SPATA16: variants seen among roughly 807,000 people sequenced by gnomAD.
SPATA16 encodes the protein spermatogenesis associated 16, also known as spermatogenesis-associated protein 16.
In SPATA16, 36 loss-of-function variants were observed where a neutral mutation model predicts 63.3. The observed-to-expected ratio is 0.57, with a 90% CI of 0.44 to 0.75. The LOEUF (loss-of-function observed/expected upper bound fraction) is 0.75. Among genes scored for constraint, SPATA16 ranks in the 30% least tolerant of loss-of-function variants. The pLI is 0.00. For missense variants in SPATA16, 646 were observed against 679.3 expected, an observed-to-expected ratio of 0.95 and a Z score of 0.54; for synonymous variants, 203 against 216.7, an observed-to-expected ratio of 0.94 and a Z score of 0.56.
intron 10 of SPATA16, among the ~76,000 whole-genome samples, chr3:172,909,022 C>T (rs1732302779): frequency 6.6e-6 from 1 of 152,128 alleles, no homozygotes; most frequent in Non-Finnish European, 1.5e-5. Flanking sequence ...TCACATCTTC[C>T]TCAAGACCTC....
chr3:173,131,186 A>C (rs1738375321), intron 1 of SPATA16, among the ~76,000 whole-genome samples: 1 of 152,232 alleles, frequency 6.6e-6, no homozygotes, highest in African/African-American at 2.4e-5. Flanking sequence ...AAAACTTTAA[A>C]ACAAAGACAT....
intron 2 of SPATA16, among the ~76,000 whole-genome samples, chr3:173,081,275 G>A (rs908799963): frequency 6.6e-6 from 1 of 152,182 alleles, no homozygotes; most frequent in African/African-American, 2.4e-5. Flanking sequence ...TTAACCGCTT[G>A]TTCCTCATAG....
intron 2 of SPATA16, among the ~76,000 whole-genome samples, chr3:173,097,733 T>A (rs1053640486): frequency 4.6e-5 from 7 of 152,198 alleles, no homozygotes; most frequent in Admixed American, 4.6e-4. Flanking sequence ...TGAAAAATTA[T>A]AAAGATTACT....
At chr3:173,140,853 C>G (rs543355966) in intron 1 of SPATA16, among the ~76,000 whole-genome samples, 1 of 152,236 alleles carries the variant, frequency 6.6e-6, no homozygotes, top group East Asian at 1.9e-4. Context: ...GATAGGGTGA[C>G]CCGGTGCAGC....
chr3:173,103,303 ACT>A (rs1281844335), intron 2 of SPATA16, among the ~76,000 whole-genome samples: 1 of 151,928 alleles, frequency 6.6e-6, no homozygotes, highest in Non-Finnish European at 1.5e-5. Flanking sequence ...CCCAGTAGGA[ACT>A]CTGTGTGGGG....
intron 6 of SPATA16, among the ~76,000 whole-genome samples, chr3:172,943,632 C>T (rs533399239): frequency 2.6e-5 from 4 of 152,102 alleles, no homozygotes; most frequent in East Asian, 1.9e-4. Flanking sequence ...CCCAGCTACT[C>T]GAGAGGCTGA....
intron 2 of SPATA16, among the ~76,000 whole-genome samples, chr3:173,057,047 G>C (rs1176023310): frequency 6.6e-6 from 1 of 150,538 alleles, no homozygotes; most frequent in Admixed American, 6.6e-5. Flanking sequence ...ACTTAGAAAA[G>C]TTTTCTTCGG....
chr3:173,073,760 T>C (rs964641639), intron 2 of SPATA16, among the ~76,000 whole-genome samples: 1 of 152,178 alleles, frequency 6.6e-6, no homozygotes, highest in Admixed American at 6.5e-5. Flanking sequence ...GGGCACCACC[T>C]AGTGAAGCTG....
intron 1 of SPATA16, among the ~76,000 whole-genome samples, chr3:173,127,414 C>CCTATTTTGT (rs1199675546): frequency 2.0e-5 from 3 of 152,134 alleles, no homozygotes; most frequent in Non-Finnish European, 4.4e-5. Context: ...CCCTATTTTG[C>CCTATTTTGT]CTATTTTGTC....
intron 1 of SPATA16, among the ~76,000 whole-genome samples, chr3:173,124,142 T>G (rs1738163382): frequency 6.6e-6 from 1 of 152,208 alleles, no homozygotes; most frequent in Non-Finnish European, 1.5e-5. Flanking sequence ...CACTGACATT[T>G]GTCATGTTGG....
At chr3:172,933,557 G>C (rs561600444) in intron 6 of SPATA16, among the ~76,000 whole-genome samples, 1 of 152,216 alleles carries the variant, frequency 6.6e-6, no homozygotes, top group Non-Finnish European at 1.5e-5. Flanking sequence ...TAGCACTTGA[G>C]GGCATGGCAG....
rs765288474 is a variant in SPATA16, at chr3:172,889,525, C to A, written c.*45G>T. On this transcript the variant is annotated 3_prime_UTR_variant, in exon 11 of 11. Transcript: ENST00000351008. ...TGGGCATTGGAGTGGATGCCCTTGCCTCTTCTTCTGGGATATCTTAGTGGT... is the reference window on the plus strand; with the variant it reads ...TGGGCATTGGAGTGGATGCCCTTGCATCTTCTTCTGGGATATCTTAGTGGT... 6.2e-7 allele frequency: 1 copy of A among 1,612,370 alleles called. No homozygotes were observed. The highest frequency in any genetic ancestry group is 1.7e-5 in the Admixed American group (1 of 60,008).
At chr3:173,087,241 G>T (rs1163771471) in intron 2 of SPATA16, among the ~76,000 whole-genome samples, 2 of 152,108 alleles carry the variant, frequency 1.3e-5, no homozygotes, top group Non-Finnish European at 2.9e-5. Flanking sequence ...AGGATAGTTA[G>T]CTTTTGTTGT....
At chr3:172,943,137 A>C (rs553283428) in intron 6 of SPATA16, among the ~76,000 whole-genome samples, 143 of 152,332 alleles carry the variant, frequency 9.4e-4, no homozygotes, top group African/African-American at 3.3e-3. Flanking sequence ...ATAAGTTTCC[A>C]AAACAGGACA....
At chr3:172,959,590 A>G (rs1198425070) in intron 5 of SPATA16, among the ~76,000 whole-genome samples, 3 of 152,136 alleles carry the variant, frequency 2.0e-5, no homozygotes, top group Admixed American at 6.6e-5. Flanking sequence ...ATGCTTTCTT[A>G]AAGGAAATTA....
intron 6 of SPATA16, among the ~76,000 whole-genome samples, chr3:172,942,788 C>T (rs184147159): frequency 4.6e-4 from 70 of 152,046 alleles, no homozygotes; most frequent in Admixed American, 3.7e-3. Context: ...TATATTAGGG[C>T]GTAAACCAAC....
intron 9 of SPATA16, among the ~76,000 whole-genome samples, chr3:172,915,128 A>G (rs1337216747): frequency 6.6e-6 from 1 of 152,182 alleles, no homozygotes; most frequent in African/African-American, 2.4e-5. Context: ...ATGGCAGGAT[A>G]AACATTTAAC....
At chr3:173,054,015 A>G (rs1315674304) in intron 2 of SPATA16, among the ~76,000 whole-genome samples, 1 of 150,104 alleles carries the variant, frequency 6.7e-6, no homozygotes, top group Non-Finnish European at 1.5e-5. Flanking sequence ...CTATATCAAC[A>G]TAAATTTTAC....
chr3:172,951,797 G>T (rs144748203), intron 6 of SPATA16, among the ~76,000 whole-genome samples: 140 of 152,280 alleles, frequency 9.2e-4, no homozygotes, highest in African/African-American at 3.2e-3. Context: ...TGAGTTGGAG[G>T]TTTGCTTGCC....
Sources: gnomAD v4.1 joint callset for allele counts (sites outside exome capture counted in the v4.1 genomes callset) on GRCh38, gnomAD v4.1.1 for gene constraint, MANE v1.5 for transcripts, NCBI Gene and HGNC (gene_info 2026-07-23, HGNC 2026-07-21) for gene names.